The following KCNAB1 variants were observed in gnomAD, a reference collection of about 807,000 sequenced individuals.
KCNAB1 encodes the protein voltage-gated potassium channel subunit beta-1.
A neutral mutation model predicts 64.6 loss-of-function variants in KCNAB1; 35 were observed. That is an observed-to-expected ratio of 0.54 (90% CI 0.41 to 0.72). The LOEUF is 0.72. Among genes scored for constraint, KCNAB1 ranks in the 30% least tolerant of loss-of-function variants. KCNAB1 has a pLI of 0.00. For missense variants in KCNAB1, 401 were observed against 512.9 expected (o/e 0.78, Z 2.11); for synonymous variants, 177 against 183.8 (o/e 0.96, Z 0.30).
intron 1 of KCNAB1, among the ~76,000 whole-genome samples, chr3:156,328,736 G>T (rs988942700): frequency 3.3e-5 from 5 of 152,178 alleles, no homozygotes; most frequent in Non-Finnish European, 5.9e-5. Flanking sequence ...ACAGAGTGCA[G>T]TATAGCGTAG....
At chr3:156,153,701 G>A (rs1464844810) in intron 1 of KCNAB1, among the ~76,000 whole-genome samples, 3 of 152,168 alleles carry the variant, frequency 2.0e-5, no homozygotes, top group Non-Finnish European at 4.4e-5. Context: ...CTGAGACATC[G>A]GTCTATTTCT....
intron 8 of KCNAB1, among the ~76,000 whole-genome samples, chr3:156,507,825 TA>T (rs902721830): frequency 3.2e-4 from 47 of 147,454 alleles, no homozygotes; most frequent in Admixed American, 6.1e-4. Context: ...CCTTGCCTCT[TA>T]AAAAAAAAAA....
chr3:156,281,644 C>T (rs1360109675), intron 1 of KCNAB1, among the ~76,000 whole-genome samples: 1 of 152,108 alleles, frequency 6.6e-6, no homozygotes, highest in Non-Finnish European at 1.5e-5. Flanking sequence ...AATTTCAGCT[C>T]CTGTTATTGG....
intron 8 of KCNAB1, among the ~76,000 whole-genome samples, chr3:156,492,456 G>A (rs1278869298): frequency 6.6e-6 from 1 of 151,932 alleles, no homozygotes; most frequent in Non-Finnish European, 1.5e-5. Context: ...CACTCTCCAA[G>A]CCCTGAACTG....
chr3:156,475,050 G>A (rs1010417522), intron 8 of KCNAB1, among the ~76,000 whole-genome samples: 8 of 152,106 alleles, frequency 5.3e-5, no homozygotes, highest in African/African-American at 1.7e-4. Flanking sequence ...CGTGGCTCCC[G>A]CTGGTTACAG....
intron 2 of KCNAB1, among the ~76,000 whole-genome samples, chr3:156,436,039 C>T (rs1377678245): frequency 6.6e-6 from 1 of 152,158 alleles, no homozygotes; most frequent in Non-Finnish European, 1.5e-5. Flanking sequence ...GCCCCGCATG[C>T]ATTAGCTATT....
intron 1 of KCNAB1, among the ~76,000 whole-genome samples, chr3:156,306,578 T>C (rs1721508351): frequency 6.6e-6 from 1 of 152,242 alleles, no homozygotes; most frequent in Non-Finnish European, 1.5e-5. Flanking sequence ...GGTGTCCAGA[T>C]GTCTAAGTCC....
intron 1 of KCNAB1, among the ~76,000 whole-genome samples, chr3:156,255,750 C>T (rs887034118): frequency 6.6e-6 from 1 of 152,314 alleles, no homozygotes; most frequent in East Asian, 1.9e-4. Context: ...CTCCTCCATG[C>T]AGCCTTCTCT....
intron 1 of KCNAB1, among the ~76,000 whole-genome samples, chr3:156,223,761 AG>A (rs1715951711): frequency 6.6e-6 from 1 of 152,216 alleles, no homozygotes. Flanking sequence ...AGCTAGATAC[AG>A]GGTGCTGATT....
chr3:156,439,031 A>C (rs200701827), intron 2 of KCNAB1, among the ~76,000 whole-genome samples: 1 of 17,286 alleles, frequency 5.8e-5, no homozygotes. Context: ...ACAAAAAACA[A>C]AAAAAAAAAA....
chr3:156,305,451 A>G (rs987316903), intron 1 of KCNAB1, among the ~76,000 whole-genome samples: 1 of 152,164 alleles, frequency 6.6e-6, no homozygotes, highest in African/African-American at 2.4e-5. Context: ...ATTGCATTAC[A>G]ATACAACCCT....
intron 1 of KCNAB1, among the ~76,000 whole-genome samples, chr3:156,158,562 A>G (rs115931631): frequency 0.013 from 1,979 of 152,324 alleles, 39 homozygotes; most frequent in African/African-American, 0.032. Flanking sequence ...AAAACCTAAC[A>G]CAAACTGGCT....
chr3:156,122,615 T>A (rs1713415136), intron 1 of KCNAB1, among the ~76,000 whole-genome samples: 1 of 152,198 alleles, frequency 6.6e-6, no homozygotes, highest in African/African-American at 2.4e-5. Context: ...CCTGTGATAA[T>A]CTGTGGGGTA....
chr3:156,469,735 T>C (rs1713738913), intron 7 of KCNAB1, among the ~76,000 whole-genome samples: 1 of 152,160 alleles, frequency 6.6e-6, no homozygotes, highest in South Asian at 2.1e-4. Context: ...GGTGGTGTTA[T>C]TTTACAGTCC....
At chr3:156,323,582 A>G (rs1722802032) in intron 1 of KCNAB1, among the ~76,000 whole-genome samples, 2 of 152,290 alleles carry the variant, frequency 1.3e-5, no homozygotes, top group East Asian at 3.9e-4. Context: ...CCTTGATCCT[A>G]TGTGAGATCT....
intron 1 of KCNAB1, among the ~76,000 whole-genome samples, chr3:156,408,922 A>G (rs16826101): frequency 0.033 from 5,083 of 152,342 alleles, 138 homozygotes; most frequent in African/African-American, 0.074. Flanking sequence ...AGTCAGAGAC[A>G]TGCTTATAGA....
At chr3:156,230,615 T>TGAGA (rs761093113) in intron 1 of KCNAB1, among the ~76,000 whole-genome samples, 3 of 151,248 alleles carry the variant, frequency 2.0e-5, no homozygotes, top group Non-Finnish European at 4.4e-5. Context: ...GGAATTTACA[T>TGAGA]GAGAGAGAGA....
chr3:156,396,754 A>G (rs1713493516), intron 1 of KCNAB1, among the ~76,000 whole-genome samples: 1 of 152,196 alleles, frequency 6.6e-6, no homozygotes, highest in Non-Finnish European at 1.5e-5. Flanking sequence ...ATGACAATTA[A>G]TTATTCTAAA....
At chr3:156,210,906 G>T (rs969276145) in intron 1 of KCNAB1, among the ~76,000 whole-genome samples, 1 of 152,198 alleles carries the variant, frequency 6.6e-6, no homozygotes, top group South Asian at 2.1e-4. Flanking sequence ...AAACAAATTC[G>T]TGGGTGGGTG....
Sources: gnomAD v4.1 joint callset for allele counts (sites outside exome capture counted in the v4.1 genomes callset) on GRCh38, gnomAD v4.1.1 for gene constraint, MANE v1.5 for transcripts, NCBI Gene and HGNC (gene_info 2026-07-23, HGNC 2026-07-21) for gene names.